Variants in EMILIN2 observed in about 807,000 individuals in gnomAD.
The protein encoded by EMILIN2 is EMILIN-2.
In EMILIN2, 71 loss-of-function variants were observed where a neutral mutation model predicts 87.1. The observed-to-expected ratio is 0.82, with a 90% CI of 0.67 to 0.99. The LOEUF (loss-of-function observed/expected upper bound fraction) is 0.99, where lower values mean the gene tolerates loss of function less well. EMILIN2 is among the 50% of genes least tolerant of loss of function. The pLI is 0.00. For synonymous variants in EMILIN2, 581 were observed against 563.4 expected, an observed-to-expected ratio of 1.03 and a Z score of -0.44; for missense variants, 1,407 against 1,371.8, an observed-to-expected ratio of 1.03 and a Z score of -0.40.
At chr18:2,868,085 A>G (rs28495235) in intron 2 of EMILIN2, among the ~76,000 whole-genome samples, 32,438 of 150,836 alleles carry the variant, frequency 0.22, 7,963 homozygotes, top group African/African-American at 0.58. Flanking sequence ...TCTCAGATGG[A>G]GCGGCTGCCG....
intron 2 of EMILIN2, among the ~76,000 whole-genome samples, chr18:2,860,648 T>C (rs553969747): frequency 1.3e-5 from 2 of 152,230 alleles, no homozygotes; most frequent in African/African-American, 2.4e-5. Flanking sequence ...TGTTGGACAT[T>C]TGGCTTGGCT....
intron 2 of EMILIN2, among the ~76,000 whole-genome samples, chr18:2,877,317 TTA>T (rs1405219994): frequency 2.0e-5 from 3 of 152,204 alleles, no homozygotes; most frequent in Non-Finnish European, 4.4e-5. Context: ...ATTTCAGACT[TTA>T]TAGCCTCTAC....
rs1275210707 is a variant in EMILIN2 at position 2,868,637 on chromosome 18, A to T, written c.258-16327A>T. On this transcript the variant is annotated intron_variant, in intron 2 of 7. Coordinates refer to ENST00000254528, the MANE Select transcript of EMILIN2 (RefSeq NM_032048.3). ...AGCGAAACCCCGTCTCCACCAAAAA[A>T]ATACGAAAACCAGTCAGGCGTGGGG... Among the ~76,000 whole-genome samples, 5 of 152,380 alleles carry T rather than the reference A, an allele frequency of 3.3e-5. 1 individual carries two copies. The East Asian group carries it at 9.6e-4, about 29-fold the overall frequency.
rs752614087 is a variant in EMILIN2 at position 2,890,883 on chromosome 18, C to T, written c.756C>T (p.Phe252=). ...DTETGQSPGV[F]NTKESGMKDI... Reference sequence around the variant, plus strand: ...AAACGGGCCAGAGTCCTGGTGTCTTCAACACTAAGGAATCTGGCATGAAGG... The same window carrying T: ...AAACGGGCCAGAGTCCTGGTGTCTTTAACACTAAGGAATCTGGCATGAAGG... The change falls in exon 4 of 8, where the codon TTC becomes TTT. Residue 252 remains phenylalanine (F), a synonymous_variant. Transcript: ENST00000254528. This position sits in a 1 kb window ranked among gnomAD's most constrained non-coding sequence, Gnocchi z 4.7. The T allele has an allele frequency of 1.2e-5, 20 of 1,613,704 alleles. No homozygotes were observed. The highest frequency in any genetic ancestry group is 1.6e-5 in the Non-Finnish European group (19 of 1,180,036).
chr18:2,883,531 G>A (rs983112616), intron 2 of EMILIN2, among the ~76,000 whole-genome samples: 5 of 152,234 alleles, frequency 3.3e-5, no homozygotes, highest in Admixed American at 6.5e-5. Flanking sequence ...GGCTGAAGTA[G>A]GGAGGCCCCA....
intron 3 of EMILIN2, among the ~76,000 whole-genome samples, chr18:2,889,839 T>C (rs954040263): frequency 2.0e-5 from 3 of 152,148 alleles, no homozygotes; most frequent in Non-Finnish European, 4.4e-5. Flanking sequence ...CTTTCAATAT[T>C]TGCATTCTTT....
At chr18:2,889,921 T>C (rs2076825727) in intron 3 of EMILIN2, among the ~76,000 whole-genome samples, 1 of 152,242 alleles carries the variant, frequency 6.6e-6, no homozygotes, top group Non-Finnish European at 1.5e-5. Flanking sequence ...AGTTGCTTTA[T>C]CTCTGTTGCT....
intron 2 of EMILIN2, among the ~76,000 whole-genome samples, chr18:2,856,636 G>C (rs2076628865): frequency 6.6e-6 from 1 of 152,148 alleles, no homozygotes; most frequent in Admixed American, 6.5e-5. Flanking sequence ...AAAATCAAAA[G>C]CGGGGAAACC....
intron 4 of EMILIN2, among the ~76,000 whole-genome samples, chr18:2,892,925 G>A (rs950493754): frequency 1.3e-5 from 2 of 150,844 alleles, no homozygotes; most frequent in Non-Finnish European, 2.9e-5. Context: ...GGTGGCACGC[G>A]CCTGTAGTCC....
At chr18:2,858,382 G>T (rs1316759402) in intron 2 of EMILIN2, among the ~76,000 whole-genome samples, 3 of 150,458 alleles carry the variant, frequency 2.0e-5, no homozygotes, top group African/African-American at 7.4e-5. Flanking sequence ...CTCATAGTTT[G>T]GCTCCCACTT....
chr18:2,897,845 C>T (rs2076870545), intron 4 of EMILIN2, among the ~76,000 whole-genome samples: 1 of 146,838 alleles, frequency 6.8e-6, no homozygotes, highest in African/African-American at 2.5e-5. Context: ...CTGAGCAGTA[C>T]AGCATAATCC....
In EMILIN2 at chr18:2,908,967, C is replaced by T; in HGVS notation, c.2687C>T (p.Ala896Val). 6.2e-7 allele frequency: 1 copy of T among 1,613,476 alleles called. No homozygotes were observed. The change falls in exon 6 of 8, where the codon GCT (alanine) becomes GTT (valine). Residue 896 changes from alanine to valine, a missense_variant. Transcript: ENST00000254528. ...APGYPKSPPV[A>V]SPGAPVPSLV... ...GGATACCCGAAGTCACCTCCTGTAG[C>T]TTCCCCAGGTATGTCTGCTGAGAGA...
intron 4 of EMILIN2, among the ~76,000 whole-genome samples, chr18:2,905,866 C>G (rs549173226): frequency 1.3e-5 from 2 of 151,500 alleles, no homozygotes; most frequent in African/African-American, 2.4e-5. Context: ...TCAAGTGATC[C>G]GGCCGCGTCG....
At chr18:2,883,108 G>A (rs978138063) in intron 2 of EMILIN2, among the ~76,000 whole-genome samples, 1 of 152,148 alleles carries the variant, frequency 6.6e-6, no homozygotes, top group African/African-American at 2.4e-5. Context: ...GGTCTAATGG[G>A]CTTGGCGGGT....
At chr18:2,864,103 T>C (rs1015379155) in intron 2 of EMILIN2, among the ~76,000 whole-genome samples, 24 of 152,056 alleles carry the variant, frequency 1.6e-4, no homozygotes, top group African/African-American at 4.8e-4. Flanking sequence ...TTATTTTGAG[T>C]CTATGTGTGT....
chr18:2,885,257 T>C (rs1314999901), intron 3 of EMILIN2, 118 bp downstream of exon 3: 2 of 1,115,756 alleles, frequency 1.8e-6, no homozygotes, highest in African/African-American at 1.6e-5. Context: ...ATAACACACA[T>C]AGATACCTGC....
chr18:2,907,269 C>T (rs1052480196), intron 5 of EMILIN2, among the ~76,000 whole-genome samples, 184 bp downstream of exon 5: 8 of 152,214 alleles, frequency 5.3e-5, no homozygotes, highest in African/African-American at 1.9e-4. Context: ...CACACGGAGG[C>T]CGGGGCACCT....
At chr18:2,905,608 C>G (rs967486477) in intron 4 of EMILIN2, among the ~76,000 whole-genome samples, 2 of 151,710 alleles carry the variant, frequency 1.3e-5, no homozygotes, top group Non-Finnish European at 2.9e-5. Flanking sequence ...ATTTTTGAAC[C>G]CATCAACCAC....
intron 2 of EMILIN2, among the ~76,000 whole-genome samples, chr18:2,866,636 C>T (rs1304869085): frequency 6.6e-6 from 1 of 152,200 alleles, no homozygotes; most frequent in Non-Finnish European, 1.5e-5. Flanking sequence ...ATCATATCAT[C>T]AGCAAACAGT....
Sources: gnomAD v4.1 joint callset for allele counts (sites outside exome capture counted in the v4.1 genomes callset) on GRCh38, gnomAD v4.1.1 for gene constraint, Gnocchi (gnomAD v3.1) non-coding constraint, MANE v1.5 for transcripts, NCBI Gene and HGNC (gene_info 2026-07-23, HGNC 2026-07-21) for gene names.